SNX7: variants seen among roughly 807,000 people sequenced by gnomAD.
SNX7 encodes sorting nexin-7.
In SNX7, 35 loss-of-function variants were observed where a neutral mutation model predicts 48.4. The observed-to-expected ratio is 0.72, with a 90% CI of 0.55 to 0.96. SNX7 has a LOEUF of 0.96. Ranked by LOEUF, SNX7 falls within the 40% of genes least tolerant of loss-of-function variation. The pLI is 0.00. For missense variants in SNX7, 553 were observed against 548.9 expected (o/e 1.01, Z -0.07); for synonymous variants, 190 against 190.2 (o/e 1.00, Z 0.01).
chr1:98,710,575 G>A (rs1010355936), intron 7 of SNX7, among the ~76,000 whole-genome samples: 1 of 152,098 alleles, frequency 6.6e-6, no homozygotes, highest in Admixed American at 6.6e-5. Flanking sequence ...TTTGTGGTGT[G>A]TTTTATGGGG....
In SNX7 at chr1:98,726,896, C is replaced by T. The variant is rs1653203689; in HGVS notation, c.1126-11341C>T. On this transcript the variant is annotated intron_variant, in intron 7 of 8. Coordinates refer to ENST00000306121, the MANE Select transcript of SNX7 (RefSeq NM_015976.5). ...GTCCTGTGTCTAGGCCAATGCCTGGCACATAATAGGCACTTAAAAATAAAG... is the reference window on the plus strand; with the variant it reads ...GTCCTGTGTCTAGGCCAATGCCTGGTACATAATAGGCACTTAAAAATAAAG... Among the ~76,000 whole-genome samples the T allele has an allele frequency of 2.0e-5, 3 of 152,264 alleles. No homozygotes were observed. In the South Asian group the frequency reaches 6.2e-4, roughly 32 times the overall value.
At chr1:98,697,162 C>T (rs894686432) in intron 5 of SNX7, among the ~76,000 whole-genome samples, 2 of 151,724 alleles carry the variant, frequency 1.3e-5, no homozygotes, top group East Asian at 1.9e-4. Flanking sequence ...TTTTCTTTTC[C>T]AGAAATTAGT....
chr1:98,746,435 T>G (rs552237446), intron 8 of SNX7, among the ~76,000 whole-genome samples: 2 of 152,098 alleles, frequency 1.3e-5, no homozygotes, highest in African/African-American at 4.8e-5. Flanking sequence ...TTAGCCTGTT[T>G]TAAGTTTCTA....
chr1:98,719,226 G>A (rs1652739895), intron 7 of SNX7, among the ~76,000 whole-genome samples: 1 of 152,062 alleles, frequency 6.6e-6, no homozygotes, highest in African/African-American at 2.4e-5. Flanking sequence ...TTAGAATATT[G>A]CCTGGCCCAT....
chr1:98,714,862 GT>G (rs1214495735), intron 7 of SNX7, among the ~76,000 whole-genome samples: 1 of 152,102 alleles, frequency 6.6e-6, no homozygotes, highest in Non-Finnish European at 1.5e-5. Context: ...CCCCTGAAGG[GT>G]TTCAAGTGGG....
At chr1:98,719,553 T>C (rs2101003837) in intron 7 of SNX7, among the ~76,000 whole-genome samples, 1 of 152,244 alleles carries the variant, frequency 6.6e-6, no homozygotes. Context: ...TCTCTATTAA[T>C]TCTTGATCTC....
At chr1:98,758,095 C>A (rs192656690) in intron 8 of SNX7, among the ~76,000 whole-genome samples, 1 of 152,140 alleles carries the variant, frequency 6.6e-6, no homozygotes, top group Admixed American at 6.5e-5. Flanking sequence ...CTAGCATCAT[C>A]ACAGTGCCTG....
chr1:98,681,845 T>C (rs74110430), intron 1 of SNX7, among the ~76,000 whole-genome samples: 1,777 of 152,300 alleles, frequency 0.012, 28 homozygotes, highest in African/African-American at 0.04. Context: ...GGATCGGTAC[T>C]ATGGTTAGGT....
chr1:98,668,851 A>G (rs1649683382), intron 1 of SNX7, among the ~76,000 whole-genome samples: 1 of 152,250 alleles, frequency 6.6e-6, no homozygotes, highest in South Asian at 2.1e-4. Context: ...CCAAAATGAA[A>G]GGGATTGCCC....
In SNX7 at chr1:98,727,134, C is replaced by T. The variant is rs370600433; in HGVS notation, c.1126-11103C>T. Reference sequence around the variant, plus strand: ...CCAAGGCAGGAGAATGGCGTGAACCCGGGACGTGGAGTGTGCAGCAAGCTG... The same window carrying T: ...CCAAGGCAGGAGAATGGCGTGAACCTGGGACGTGGAGTGTGCAGCAAGCTG... On this transcript the variant is annotated intron_variant, in intron 7 of 8. Coordinates refer to ENST00000306121, the MANE Select transcript of SNX7 (RefSeq NM_015976.5). 2.5e-3 allele frequency among the ~76,000 whole-genome samples: 384 copies of T among 152,280 alleles called. 15 individuals are homozygous for T. In the South Asian group the frequency reaches 0.044, roughly 17 times the overall value.
chr1:98,702,174 T>C (rs944242523), intron 7 of SNX7, among the ~76,000 whole-genome samples: 1 of 152,124 alleles, frequency 6.6e-6, no homozygotes, highest in Non-Finnish European at 1.5e-5. Context: ...AATAATGTGT[T>C]AGAAGAAAGT....
At chr1:98,680,379 A>G (rs1252723602) in intron 1 of SNX7, among the ~76,000 whole-genome samples, 1 of 152,206 alleles carries the variant, frequency 6.6e-6, no homozygotes, top group Non-Finnish European at 1.5e-5. Context: ...GGCTGCCATG[A>G]AGACCTCTGG....
chr1:98,678,111 A>G (rs939688204), intron 1 of SNX7, among the ~76,000 whole-genome samples: 3 of 151,988 alleles, frequency 2.0e-5, no homozygotes, highest in Admixed American at 6.6e-5. Flanking sequence ...ATGGTTCTGC[A>G]TGCTGTACAG....
At chr1:98,724,199 A>C (rs527851279) in intron 7 of SNX7, among the ~76,000 whole-genome samples, 6 of 152,086 alleles carry the variant, frequency 3.9e-5, no homozygotes, top group Middle Eastern at 3.4e-3. Flanking sequence ...TACATTTCTT[A>C]TTATTTTCTT....
At chr1:98,755,701 T>C (rs6683955) in intron 8 of SNX7, among the ~76,000 whole-genome samples, 108,224 of 151,708 alleles carry the variant, frequency 0.71, 40,011 homozygotes, top group South Asian at 0.82. Flanking sequence ...TGGGCTCAAG[T>C]GATCCTCCCA....
chr1:98,673,575 G>A (rs958732877), intron 1 of SNX7, among the ~76,000 whole-genome samples: 1 of 152,266 alleles, frequency 6.6e-6, no homozygotes, highest in African/African-American at 2.4e-5. Flanking sequence ...AACTCTACCA[G>A]TCTTGACCAC....
In SNX7 at chr1:98,698,797, C is replaced by T; in HGVS notation, c.930C>T (p.Ala310=). ...TGGTTGATACTCTAAAGGATGTTGC[C>T]AGCTGCATTGACAGATGCTGTAAGG... ...EDLVDTLKDV[A]SCIDRCCKAT... Residue 310 remains alanine (A), a synonymous_variant, in exon 6 of 9, where the codon GCC becomes GCT. Coordinates refer to ENST00000306121, the MANE Select transcript of SNX7 (RefSeq NM_015976.5). 6.2e-7 allele frequency: 1 copy of T among 1,613,576 alleles called. No individual in the cohort carries two copies. Among genetic ancestry groups the T allele is most frequent in the Non-Finnish European group, 8.5e-7 (1 of 1,179,776 alleles).
At chr1:98,727,478 A>G (rs896628358) in intron 7 of SNX7, among the ~76,000 whole-genome samples, 1 of 152,140 alleles carries the variant, frequency 6.6e-6, no homozygotes, top group African/African-American at 2.4e-5. Flanking sequence ...CCTCCAAATG[A>G]TCACAGCACC....
At chr1:98,683,786 C>T (rs548645147) in intron 1 of SNX7, among the ~76,000 whole-genome samples, 35 of 152,214 alleles carry the variant, frequency 2.3e-4, no homozygotes, top group African/African-American at 7.9e-4. Context: ...TTCCTGCCAA[C>T]GTTCTTGGGA....
Sources: gnomAD v4.1 joint callset for allele counts (sites outside exome capture counted in the v4.1 genomes callset) on GRCh38, gnomAD v4.1.1 for gene constraint, MANE v1.5 for transcripts, NCBI Gene and HGNC (gene_info 2026-07-23, HGNC 2026-07-21) for gene names.